The following VPS13B variants were observed in gnomAD, a reference collection of about 807,000 sequenced individuals.
VPS13B encodes the protein vacuolar protein sorting 13 homolog B.
VPS13B carries 285 observed loss-of-function variants against 426.4 expected under a neutral mutation model. The ratio of observed to expected loss-of-function variants is 0.67; its 90% CI spans 0.61 to 0.74. The LOEUF is 0.74. VPS13B is among the 30% of genes least tolerant of loss of function. The pLI is 0.00. For synonymous variants in VPS13B, 1,676 were observed against 1,676.4 expected (o/e 1.00, Z 0.01); for missense variants, 4,537 against 4,782.6 (o/e 0.95, Z 1.51).
chr8:99,080,477 A>G (rs1845384616), intron 3 of VPS13B, among the ~76,000 whole-genome samples: 1 of 152,092 alleles, frequency 6.6e-6, no homozygotes, highest in African/African-American at 2.4e-5. Context: ...TTCCTGTACC[A>G]TTTGAATTGT....
intron 39 of VPS13B, among the ~76,000 whole-genome samples, chr8:99,750,171 G>A (rs148639146): frequency 2.6e-5 from 4 of 152,060 alleles, no homozygotes; most frequent in South Asian, 2.1e-4. Context: ...ATATTCATTC[G>A]TGATGAAGTA....
intron 21 of VPS13B, among the ~76,000 whole-genome samples, chr8:99,395,876 C>G (rs922943250): frequency 1.3e-5 from 2 of 151,836 alleles, no homozygotes; most frequent in African/African-American, 2.4e-5. Context: ...AGAAGTTGGA[C>G]ACATTGAGGA....
intron 21 of VPS13B, among the ~76,000 whole-genome samples, chr8:99,412,072 T>A (rs986654914): frequency 1.3e-5 from 2 of 152,214 alleles, no homozygotes; most frequent in East Asian, 1.9e-4. Context: ...GTAGTTTTTT[T>A]ATAATTCTTT....
At position 99,875,431 on chromosome 8, in the gene VPS13B, GAGAGAGACTGTC is replaced by G; in HGVS notation, c.11764_11775del (p.Arg3922_Glu3925del). ...TTTGGATCCTAGGTAGATGGAGTCC[GAGAGAGACTGTC>G]AGAGCAACAGTACAACAGACTGGTG... On this transcript the variant is annotated inframe_deletion, in exon 62 of 62. Coordinates refer to ENST00000357162, the MANE Select transcript of VPS13B (RefSeq NM_152564.5). 6.2e-7 allele frequency: 1 copy of G among 1,614,158 alleles called. No individual in the cohort carries two copies. Among genetic ancestry groups the G allele is most frequent in the Non-Finnish European group, 8.5e-7 (1 of 1,180,018 alleles).
In VPS13B at chr8:99,105,580, T is replaced by C. The variant is rs984114649; in HGVS notation, c.580+2460T>C. Among the ~76,000 whole-genome samples the C allele has an allele frequency of 5.3e-5, 8 of 152,282 alleles. No homozygotes were observed. The South Asian group carries it at 1.7e-3, about 32-fold the overall frequency. On this transcript the variant is annotated intron_variant, in intron 5 of 61. Transcript: ENST00000357162. Reference sequence around the variant, plus strand: ...TTTTGGTAGAGACGGGGTTTCACCATGTTGGCCAGTCTGGTCTTGAATTCC... The same window carrying C: ...TTTTGGTAGAGACGGGGTTTCACCACGTTGGCCAGTCTGGTCTTGAATTCC...
At position 99,246,770 on chromosome 8, in the gene VPS13B, G is replaced by A. The variant is rs140577946; in HGVS notation, c.2516-27428G>A. On this transcript the variant is annotated intron_variant, in intron 17 of 61. Coordinates refer to ENST00000357162, the MANE Select transcript of VPS13B (RefSeq NM_152564.5). ...AATCCTAGCTACTCAGGAAGCTGAG[G>A]CAGGAGAATCACTCGAACCTAGGAG... 3.9e-3 allele frequency among the ~76,000 whole-genome samples: 594 copies of A among 151,776 alleles called. 5 individuals carry two copies. Among genetic ancestry groups the A allele is most frequent in the South Asian group, 8.1e-3 (39 of 4,804 alleles).
chr8:99,857,290 G>A (rs1003763088), intron 56 of VPS13B, among the ~76,000 whole-genome samples: 6 of 152,178 alleles, frequency 3.9e-5, no homozygotes, highest in South Asian at 2.1e-4. Context: ...CCACGGCACC[G>A]ACCTGAACAG....
chr8:99,709,917 C>T (rs1257900617), intron 36 of VPS13B, among the ~76,000 whole-genome samples: 1 of 152,110 alleles, frequency 6.6e-6, no homozygotes, highest in East Asian at 1.9e-4. Flanking sequence ...CATTGACAAG[C>T]TGGATGAAGG....
chr8:99,132,781 A>G (rs1809871517), intron 8 of VPS13B, among the ~76,000 whole-genome samples: 1 of 152,176 alleles, frequency 6.6e-6, no homozygotes, highest in Non-Finnish European at 1.5e-5. Flanking sequence ...GACCAGATGC[A>G]TTGTCAGTGA....
intron 2 of VPS13B, among the ~76,000 whole-genome samples, chr8:99,033,088 A>G (rs1474693039): frequency 6.6e-6 from 1 of 152,174 alleles, no homozygotes; most frequent in Non-Finnish European, 1.5e-5. Flanking sequence ...AGGAGAAAAA[A>G]GCATTTATAC....
intron 17 of VPS13B, chr8:99,234,128 T>A (rs1816509526): frequency 3.8e-6 from 3 of 784,730 alleles, no homozygotes; most frequent in African/African-American, 3.4e-5. Context: ...GTCCCCACCC[T>A]GGGCTCGCTG....
At chr8:99,309,225 C>T (rs1023053630) in intron 19 of VPS13B, among the ~76,000 whole-genome samples, 20 of 152,122 alleles carry the variant, frequency 1.3e-4, no homozygotes, top group African/African-American at 4.8e-4. Context: ...GTTGCCATTG[C>T]TTTTGGAGTT....
chr8:99,315,266 C>G (rs544455534), intron 19 of VPS13B, among the ~76,000 whole-genome samples: 26 of 151,798 alleles, frequency 1.7e-4, no homozygotes, highest in African/African-American at 6.0e-4. Context: ...ACTGAAAATG[C>G]AAATATCTGG....
At chr8:99,111,751 A>G (rs1786651311) in intron 6 of VPS13B, among the ~76,000 whole-genome samples, 1 of 152,100 alleles carries the variant, frequency 6.6e-6, no homozygotes, top group Admixed American at 6.6e-5. Context: ...TTGATTTATG[A>G]TTTTTAAAAT....
At chr8:99,868,884 G>A (rs1195409450) in intron 59 of VPS13B, among the ~76,000 whole-genome samples, 1 of 152,210 alleles carries the variant, frequency 6.6e-6, no homozygotes, top group Non-Finnish European at 1.5e-5. Context: ...CTTTGGGTGT[G>A]GGTGGCCTTC....
intron 23 of VPS13B, among the ~76,000 whole-genome samples, chr8:99,449,468 G>A: frequency 6.6e-6 from 1 of 152,092 alleles, no homozygotes; most frequent in Non-Finnish European, 1.5e-5. Context: ...GACACAAAAT[G>A]ACCACAGGGA....
chr8:99,756,678 CAT>C (rs1230028598), intron 39 of VPS13B, among the ~76,000 whole-genome samples: 2 of 152,158 alleles, frequency 1.3e-5, no homozygotes, highest in Non-Finnish European at 2.9e-5. Context: ...AGTGAGATGA[CAT>C]ATTCAAAGTG....
chr8:99,858,094 C>A (rs759780043), intron 56 of VPS13B, among the ~76,000 whole-genome samples: 9 of 152,202 alleles, frequency 5.9e-5, no homozygotes, highest in Non-Finnish European at 1.3e-4. Flanking sequence ...CTCTTCAGAG[C>A]CTGCTGGTGA....
At chr8:99,083,451 C>T (rs1845597374) in intron 3 of VPS13B, among the ~76,000 whole-genome samples, 2 of 150,888 alleles carry the variant, frequency 1.3e-5, no homozygotes, top group African/African-American at 4.9e-5. Context: ...CCTTTATTTC[C>T]TTCTCCTGCC....
Sources: gnomAD v4.1 joint callset for allele counts (sites outside exome capture counted in the v4.1 genomes callset) on GRCh38, gnomAD v4.1.1 for gene constraint, MANE v1.5 for transcripts, NCBI Gene and HGNC (gene_info 2026-07-23, HGNC 2026-07-21) for gene names.